Variants in NEBL observed in about 807,000 individuals in gnomAD.
NEBL encodes the protein nebulette.
NEBL carries 122 observed loss-of-function variants against 140.2 expected under a neutral mutation model. The observed-to-expected ratio is 0.87, with a 90% CI of 0.75 to 1.01. The LOEUF (loss-of-function observed/expected upper bound fraction) is 1.01, where lower values mean the gene tolerates loss of function less well. Ranked by LOEUF, NEBL falls within the 50% of genes least tolerant of loss-of-function variation. The pLI, the probability that NEBL is intolerant of heterozygous loss-of-function variation, is 0.00. For missense variants in NEBL, 1,365 were observed against 1,231.3 expected, an observed-to-expected ratio of 1.11 and a Z score of -1.62; for synonymous variants, 436 against 398.9, an observed-to-expected ratio of 1.09 and a Z score of -1.11.
At position 20,809,797 on chromosome 10, in the gene NEBL, G is replaced by T; in HGVS notation, c.2611+9C>A. 1 of 1,583,458 alleles carries T rather than the reference G, an allele frequency of 6.3e-7. No homozygotes were observed. Among genetic ancestry groups the T allele is most frequent in the Non-Finnish European group, 8.7e-7 (1 of 1,152,256 alleles). On this transcript the variant is annotated intron_variant, in intron 25 of 27. Transcript: ENST00000377122. ...ACATAAATGGGATGAACTAAAAAGT[G>T]AGTAATACCAGAGAGCATATGGAGA... is the stretch of plus-strand genomic sequence containing the variant.
chr10:21,163,318 C>T (rs541399062), intron 2 of NEBL, among the ~76,000 whole-genome samples: 1 of 152,284 alleles, frequency 6.6e-6, no homozygotes, highest in African/African-American at 2.4e-5. Context: ...GCATGAAGCT[C>T]AGGAGACTGG....
At chr10:20,815,133 A>T (rs888906633) in intron 22 of NEBL, among the ~76,000 whole-genome samples, 2 of 152,232 alleles carry the variant, frequency 1.3e-5, no homozygotes, top group African/African-American at 4.8e-5. Flanking sequence ...TTCAGATAAG[A>T]TACTCATGTA....
chr10:21,134,474 A>G (rs1353876232), intron 2 of NEBL, among the ~76,000 whole-genome samples: 1 of 152,170 alleles, frequency 6.6e-6, no homozygotes, highest in East Asian at 1.9e-4. Flanking sequence ...AATTTTCTGC[A>G]TATGTTTCCT....
intron 1 of NEBL, among the ~76,000 whole-genome samples, chr10:21,287,774 C>T (rs1175657733): frequency 1.3e-5 from 2 of 151,882 alleles, no homozygotes; most frequent in East Asian, 1.9e-4. Context: ...AGACAAATAA[C>T]GACATTCTCT....
upstream of NEBL, chr10:20,899,307 C>A (rs1427078171): frequency 6.1e-6 from 6 of 987,640 alleles, no homozygotes; most frequent in East Asian, 1.2e-4. Flanking sequence ...TGAGACACAC[C>A]TTTTGGCTCA....
At chr10:20,988,621 G>T (rs1246695848) in intron 3 of NEBL, among the ~76,000 whole-genome samples, 1 of 152,044 alleles carries the variant, frequency 6.6e-6, no homozygotes, top group Admixed American at 6.6e-5. Context: ...TTGGGTCACT[G>T]CCATTAGCAT....
At chr10:20,786,925 G>C (rs1835462818) in intron 27 of NEBL, among the ~76,000 whole-genome samples, 1 of 152,192 alleles carries the variant, frequency 6.6e-6, no homozygotes. Context: ...TAATCGGCTA[G>C]TACCAATCAT....
intron 1 of NEBL, among the ~76,000 whole-genome samples, chr10:21,265,343 G>C (rs549037025): frequency 6.6e-6 from 1 of 152,334 alleles, no homozygotes; most frequent in African/African-American, 2.4e-5. Flanking sequence ...TCCTGGGGCA[G>C]TGGGAGGGGG....
At chr10:20,862,533 C>T (rs984523267) in intron 7 of NEBL, among the ~76,000 whole-genome samples, 1 of 152,200 alleles carries the variant, frequency 6.6e-6, no homozygotes, top group African/African-American at 2.4e-5. Flanking sequence ...TACACAGACA[C>T]ACTCAACATT....
chr10:21,177,360 G>A (rs374483495), upstream of NEBL, among the ~76,000 whole-genome samples: 2 of 152,096 alleles, frequency 1.3e-5, no homozygotes, highest in East Asian at 1.9e-4. Context: ...TTCACATGAC[G>A]GGAGTAAGAA....
intron 4 of NEBL, among the ~76,000 whole-genome samples, chr10:20,935,064 T>C (rs1366806159): frequency 6.6e-6 from 1 of 152,158 alleles, no homozygotes; most frequent in African/African-American, 2.4e-5. Flanking sequence ...CCATGTCTGG[T>C]GCTAGGGTTA....
chr10:21,094,439 T>C (rs555082166), intron 2 of NEBL, among the ~76,000 whole-genome samples: 40 of 138,480 alleles, frequency 2.9e-4, no homozygotes, highest in Non-Finnish European at 4.5e-4. Flanking sequence ...GAGGCGGAGC[T>C]TGCAGTGAGC....
intron 2 of NEBL, among the ~76,000 whole-genome samples, chr10:21,098,458 T>A (rs1837307405): frequency 6.6e-6 from 1 of 152,196 alleles, no homozygotes; most frequent in Admixed American, 6.5e-5. Flanking sequence ...TGGTATTTAA[T>A]AATTATTATG....
intron 4 of NEBL, among the ~76,000 whole-genome samples, chr10:20,903,077 C>T (rs1847938540): frequency 6.6e-6 from 1 of 152,042 alleles, no homozygotes; most frequent in Non-Finnish European, 1.5e-5. Context: ...AGACCTTATC[C>T]ATAGAGGATG....
At chr10:21,030,577 C>A in intron 2 of NEBL, 1 of 668,832 alleles carries the variant, frequency 1.5e-6, no homozygotes, top group Non-Finnish European at 2.7e-6. Flanking sequence ...GCACGAATAC[C>A]CTACAAGTGG....
intron 4 of NEBL, among the ~76,000 whole-genome samples, chr10:20,956,313 G>T (rs896028615): frequency 6.6e-6 from 1 of 152,050 alleles, no homozygotes; most frequent in African/African-American, 2.4e-5. Context: ...AAATAAATGA[G>T]GTATTCATAC....
At chr10:21,227,774 G>GCTTCTTCTTTCTCTTCTTTCTT (rs1842188687) in intron 3 of NEBL, among the ~76,000 whole-genome samples, 4 of 56,118 alleles carry the variant, frequency 7.1e-5, no homozygotes, top group Non-Finnish European at 1.6e-4. Flanking sequence ...TCTTCTTTCT[G>GCTTCTTCTTTCTCTTCTTTCTT]CTTCTTCTTT....
chr10:21,076,713 A>T (rs1836112213), intron 2 of NEBL, among the ~76,000 whole-genome samples: 1 of 152,202 alleles, frequency 6.6e-6, no homozygotes, highest in African/African-American at 2.4e-5. Flanking sequence ...GCATACTACA[A>T]CATGGATGAA....
At chr10:21,118,255 G>A (rs752734513) in intron 2 of NEBL, among the ~76,000 whole-genome samples, 11 of 152,032 alleles carry the variant, frequency 7.2e-5, no homozygotes, top group Non-Finnish European at 1.0e-4. Flanking sequence ...CTTCCTTATC[G>A]TTCTTTCAAC....
Sources: gnomAD v4.1 joint callset for allele counts (sites outside exome capture counted in the v4.1 genomes callset) on GRCh38, gnomAD v4.1.1 for gene constraint, MANE v1.5 for transcripts, NCBI Gene and HGNC (gene_info 2026-07-23, HGNC 2026-07-21) for gene names.